DHRSX: variants seen among roughly 807,000 people sequenced by gnomAD.
DHRSX encodes dehydrogenase/reductase X-linked.
DHRSX carries 31 observed loss-of-function variants against 34.0 expected under a neutral mutation model. The observed-to-expected ratio is 0.91, with a 90% confidence interval of 0.69 to 1.23. The LOEUF (loss-of-function observed/expected upper bound fraction) is 1.23. Among genes scored for constraint, DHRSX ranks in the 50% most tolerant of loss-of-function variants. The pLI, the probability that DHRSX is intolerant of heterozygous loss-of-function variation, is 0.00. For missense variants in DHRSX, 414 were observed against 428.1 expected (o/e 0.97, Z 0.29); for synonymous variants, 201 against 183.8 (o/e 1.09, Z -0.76).
intron 1 of DHRSX, among the ~76,000 whole-genome samples, chrX:2,483,776 A>C (rs1205152348): frequency 2.8e-5 from 4 of 142,770 alleles, no homozygotes; most frequent in Non-Finnish European, 6.0e-5. Context: ...GAGAAAAAAA[A>C]GGGAAAAAGT....
rs1189082456 is a variant in DHRSX, at chrX:2,465,350, G to A, written c.109+35467C>T. Among the ~76,000 whole-genome samples the A allele has an allele frequency of 2.6e-5, 4 of 152,188 alleles. No homozygotes were observed. The East Asian group carries it at 5.8e-4, about 22-fold the overall frequency. On this transcript the variant is annotated intron_variant, in intron 1 of 6. Transcript: ENST00000334651. The stretch of plus-strand genomic sequence containing the variant: ...TACCAAGACATAACAGGATCTAATC[G>A]CTTTCTAAATACATGGCTCCCTTAA...
intron 3 of DHRSX, among the ~76,000 whole-genome samples, chrX:2,312,380 A>C (rs2042174296): frequency 3.9e-5 from 6 of 152,240 alleles, no homozygotes; most frequent in African/African-American, 1.4e-4. Context: ...GACACCATGG[A>C]ATACTATGCA....
At chrX:2,320,271 A>T (rs1265231648) in intron 3 of DHRSX, among the ~76,000 whole-genome samples, 9 of 122,118 alleles carry the variant, frequency 7.4e-5, no homozygotes, top group Non-Finnish European at 1.4e-4. Flanking sequence ...AGAGCTTCAC[A>T]TATTTCCCTA....
At chrX:2,223,962 T>C (rs1288659467) in intron 6 of DHRSX, among the ~76,000 whole-genome samples, 1 of 152,152 alleles carries the variant, frequency 6.6e-6, no homozygotes, top group Non-Finnish European at 1.5e-5. Context: ...AGAGGCCAGA[T>C]GGGGGCCACC....
rs1285169143 is a variant in DHRSX at position 2,420,236 on chromosome X, C to T, written c.217+4961G>A. 9.3e-5 allele frequency among the ~76,000 whole-genome samples: 14 copies of T among 149,916 alleles called. 1 individual carries two copies. In the South Asian group the frequency reaches 3.0e-3, roughly 32 times the overall value. On this transcript the variant is annotated intron_variant, in intron 2 of 6. Transcript: ENST00000334651. ...ATCCTGACCTACATGGTGAAACCCC[C>T]CCTCTACTAAAAATACAAAAAATTA... is the stretch of plus-strand genomic sequence containing the variant.
chrX:2,311,276 G>A (rs1457545239), intron 3 of DHRSX, among the ~76,000 whole-genome samples: 1 of 152,078 alleles, frequency 6.6e-6, no homozygotes, highest in Admixed American at 6.6e-5. Flanking sequence ...GATGGGGAGA[G>A]AGCTGCCTGG....
chrX:2,246,706 G>GAAAGAAAGAAAAGAA (rs1435900895), intron 5 of DHRSX, among the ~76,000 whole-genome samples: 3 of 107,406 alleles, frequency 2.8e-5, no homozygotes, highest in African/African-American at 1.0e-4. Context: ...AAGAAAGAAA[G>GAAAGAAAGAAAAGAA]AGAAAGAAAG....
In DHRSX at chrX:2,376,103, C is replaced by T. The variant is rs999655712; in HGVS notation, c.286+32642G>A. Among the ~76,000 whole-genome samples the T allele has an allele frequency of 1.2e-4, 16 of 137,530 alleles. 3 individuals carry two copies. Among genetic ancestry groups the T allele is most frequent in the Non-Finnish European group, 2.1e-4 (12 of 58,344 alleles). The allele number at this position is 137,530 out of a possible 152,430, so 90.2% of individuals were successfully genotyped here. A position where few individuals can be genotyped will look rare whatever the true frequency, so the allele number is the denominator to read the frequency against. On this transcript the variant is annotated intron_variant, in intron 3 of 6. Transcript: ENST00000334651. Reference sequence around the variant, plus strand: ...TTGTTCTGGTAGAAGAACAACTTCCCGCTGCCTGCATTGCAGGTGCCTCTG... The same window carrying T: ...TTGTTCTGGTAGAAGAACAACTTCCTGCTGCCTGCATTGCAGGTGCCTCTG...
intron 1 of DHRSX, among the ~76,000 whole-genome samples, chrX:2,473,395 G>A (rs149140273): frequency 4.6e-4 from 70 of 152,200 alleles, no homozygotes; most frequent in African/African-American, 1.6e-3. Context: ...AGGCCGAGGC[G>A]GATGGATCAC....
chrX:2,464,093 A>T lies in DHRSX; in HGVS notation c.109+36724T>A, dbSNP rs2044443314. On this transcript the variant is annotated intron_variant, in intron 1 of 6. Transcript: ENST00000334651. ...GACCACCGCCATGTACACACTGAAG[A>T]TGTTCCCTAAGTACGTGGCTAAGGG... Among the ~76,000 whole-genome samples, 4 of 152,122 alleles carry T rather than the reference A, an allele frequency of 2.6e-5. No individual in the cohort carries two copies. In the South Asian group the frequency reaches 8.3e-4, roughly 32 times the overall value.
Position 2,254,098 on chromosome X carries a change from T to C in DHRSX, c.597-10868A>G, listed in dbSNP as rs761036528. Among the ~76,000 whole-genome samples the C allele has an allele frequency of 3.3e-5, 5 of 152,058 alleles. No homozygotes were observed. In the South Asian group the frequency reaches 1.0e-3, roughly 32 times the overall value. On this transcript the variant is annotated intron_variant, in intron 5 of 6. Coordinates refer to ENST00000334651, the MANE Select transcript of DHRSX (RefSeq NM_145177.3). ...AAGAAAGGAGCCCTTTATAAGTTAT[T>C]GTGATGGATACTGTAGGATGTAAAC...
intron 3 of DHRSX, among the ~76,000 whole-genome samples, chrX:2,322,939 T>G (rs915864436): frequency 1.3e-5 from 2 of 152,014 alleles, no homozygotes; most frequent in East Asian, 1.9e-4. Context: ...TGTTGTTGTT[T>G]TTGAGATGGA....
intron 5 of DHRSX, among the ~76,000 whole-genome samples, chrX:2,251,460 T>C (rs1416111905): frequency 6.6e-6 from 1 of 152,328 alleles, no homozygotes; most frequent in East Asian, 1.9e-4. Flanking sequence ...CCTCCTTCCT[T>C]TGTTCTCCTC....
intron 3 of DHRSX, among the ~76,000 whole-genome samples, chrX:2,335,457 G>T (rs904282382): frequency 6.6e-6 from 1 of 151,010 alleles, no homozygotes; most frequent in Non-Finnish European, 1.5e-5. Flanking sequence ...TGGGGTGTGT[G>T]TGTGTGTGTG....
chrX:2,372,650 C>G (rs1400452266), intron 3 of DHRSX, among the ~76,000 whole-genome samples: 1 of 151,330 alleles, frequency 6.6e-6, no homozygotes, highest in African/African-American at 2.4e-5. Context: ...CTCTTGTTGC[C>G]CAGGCTGGAG....
chrX:2,308,119 G>A (rs1233190216), intron 3 of DHRSX, among the ~76,000 whole-genome samples: 2 of 152,082 alleles, frequency 1.3e-5, no homozygotes, highest in East Asian at 3.9e-4. Flanking sequence ...AGTATTTAAC[G>A]CACTCCTAGG....
intron 3 of DHRSX, among the ~76,000 whole-genome samples, chrX:2,324,186 G>A (rs1226136882): frequency 4.6e-5 from 7 of 152,112 alleles, no homozygotes; most frequent in African/African-American, 1.7e-4. Context: ...CATGTGATAG[G>A]GTAAGAAGGA....
intron 5 of DHRSX, among the ~76,000 whole-genome samples, chrX:2,259,876 G>A (rs939893645): frequency 2.0e-5 from 3 of 151,482 alleles, no homozygotes; most frequent in Non-Finnish European, 4.4e-5. Context: ...CCTACTCCAG[G>A]ATGATCTCAT....
chrX:2,236,154 G>T (rs2124416873), intron 6 of DHRSX, among the ~76,000 whole-genome samples: 1 of 152,132 alleles, frequency 6.6e-6, no homozygotes, highest in African/African-American at 2.4e-5. Flanking sequence ...ATCCGCACCT[G>T]TACTCCTTAA....
Sources: gnomAD v4.1 joint callset for allele counts (sites outside exome capture counted in the v4.1 genomes callset) on GRCh38, gnomAD v4.1.1 for gene constraint, MANE v1.5 for transcripts, NCBI Gene and HGNC (gene_info 2026-07-23, HGNC 2026-07-21) for gene names.